CHRM3: variants seen among roughly 807,000 people sequenced by gnomAD.
The protein encoded by CHRM3 is muscarinic acetylcholine receptor M3.
In CHRM3, 11 loss-of-function variants were observed where a neutral mutation model predicts 41.8. The observed-to-expected ratio is 0.26, with a 90% confidence interval of 0.17 to 0.44. The LOEUF is 0.44. Ranked by LOEUF, CHRM3 falls within the 20% of genes least tolerant of loss-of-function variation. The pLI is 1.00. For synonymous variants in CHRM3, 297 were observed against 301.4 expected, an observed-to-expected ratio of 0.99 and a Z score of 0.15; for missense variants, 571 against 745.4, an observed-to-expected ratio of 0.77 and a Z score of 2.72.
chr1:239,890,154 A>G (rs780040322), intron 6 of CHRM3, among the ~76,000 whole-genome samples: 3 of 152,074 alleles, frequency 2.0e-5, no homozygotes, highest in Non-Finnish European at 2.9e-5. Flanking sequence ...GTATAAGATT[A>G]GCCAGGCCTG....
intron 5 of CHRM3, among the ~76,000 whole-genome samples, chr1:239,736,499 A>G (rs1037162738): frequency 2.0e-5 from 3 of 152,142 alleles, no homozygotes; most frequent in Non-Finnish European, 4.4e-5. Context: ...TACCATCTTC[A>G]CATGCATTAT....
intron 3 of CHRM3, among the ~76,000 whole-genome samples, chr1:239,607,654 C>G (rs907601508): frequency 6.6e-6 from 1 of 151,630 alleles, no homozygotes; most frequent in Non-Finnish European, 1.5e-5. Context: ...ATGAAAAGCT[C>G]AAACTAAAAA....
At chr1:239,867,893 C>T (rs188496920) in intron 6 of CHRM3, among the ~76,000 whole-genome samples, 25 of 152,248 alleles carry the variant, frequency 1.6e-4, no homozygotes, top group African/African-American at 5.8e-4. Flanking sequence ...CCCCAGTCCC[C>T]GGAAGTGACA....
intron 1 of CHRM3, among the ~76,000 whole-genome samples, chr1:239,475,796 A>G (rs1468939188): frequency 6.6e-6 from 1 of 152,164 alleles, no homozygotes; most frequent in African/African-American, 2.4e-5. Context: ...TATTTATGTT[A>G]TTAGTAACAA....
In CHRM3 at chr1:239,909,762, A is replaced by G. The variant is rs1363865240; in HGVS notation, c.*538A>G. 1 of 168,042 alleles carries G rather than the reference A, an allele frequency of 6.0e-6. No individual in the cohort carries two copies. Among genetic ancestry groups the G allele is most frequent in the East Asian group, 1.9e-4 (1 of 5,204 alleles). The allele number at this position is 168,042 out of a possible 1,614,324, so 10.4% of individuals were successfully genotyped here. A position where few individuals can be genotyped will look rare whatever the true frequency, so the allele number is the denominator to read the frequency against. ...TTTCTTTGGTGTGTTGTTAAACTCT[A>G]TTTGTGGACTTGATTCTTGATTCTT... On this transcript the variant is annotated 3_prime_UTR_variant, in exon 7 of 7. Transcript: ENST00000676153.
intron 2 of CHRM3, among the ~76,000 whole-genome samples, chr1:239,516,213 A>T (rs1257869668): frequency 1.3e-5 from 2 of 152,200 alleles, no homozygotes; most frequent in African/African-American, 4.8e-5. Context: ...TACTATTCCC[A>T]GGAGGGGAGA....
chr1:239,759,460 A>T (rs1666553734), intron 5 of CHRM3, among the ~76,000 whole-genome samples: 2 of 152,228 alleles, frequency 1.3e-5, no homozygotes, highest in South Asian at 4.1e-4. Flanking sequence ...CTTTTTGGCC[A>T]AATAAATCTT....
At position 239,651,430 on chromosome 1, in the gene CHRM3, A is replaced by T. The variant is rs538379433; in HGVS notation, c.-250+19144A>T. Among the ~76,000 whole-genome samples the T allele has an allele frequency of 1.9e-4, 29 of 152,342 alleles. No homozygotes were observed. The South Asian group carries it at 5.6e-3, about 29-fold the overall frequency. On this transcript the variant is annotated intron_variant, in intron 4 of 6. Transcript: ENST00000676153. ...AAATGTTTGTGCTTCTTGTTAGAGAACAAGGAAGGCATGATTTAAAGCTGG... is the reference window on the plus strand; with the variant it reads ...AAATGTTTGTGCTTCTTGTTAGAGATCAAGGAAGGCATGATTTAAAGCTGG...
chr1:239,528,770 G>GT lies in CHRM3; in HGVS notation c.-421-16870dup. Among the ~76,000 whole-genome samples the GT allele has an allele frequency of 2.0e-5, 3 of 152,246 alleles. No individual in the cohort carries two copies. The East Asian group carries it at 5.8e-4, about 30-fold the overall frequency. ...TAGCTGGGCATGGTGGCACATGCCTGTAGTCCCAGCTACTCGGTAGGCTGA... is the reference window on the plus strand; with the variant it reads ...TAGCTGGGCATGGTGGCACATGCCTGTTAGTCCCAGCTACTCGGTAGGCTGA... On this transcript the variant is annotated intron_variant, in intron 2 of 6. Transcript: ENST00000676153.
At chr1:239,702,716 G>A (rs962349763) in intron 5 of CHRM3, among the ~76,000 whole-genome samples, 1 of 152,208 alleles carries the variant, frequency 6.6e-6, no homozygotes, top group Non-Finnish European at 1.5e-5. Context: ...GTTCAAGTGA[G>A]TCTCATGCCT....
intron 1 of CHRM3, among the ~76,000 whole-genome samples, chr1:239,467,800 C>T (rs1016195105): frequency 1.3e-5 from 2 of 152,060 alleles, no homozygotes; most frequent in African/African-American, 4.8e-5. Context: ...GAATGTCATG[C>T]TTTTCTCTTG....
At position 239,533,746 on chromosome 1, in the gene CHRM3, A is replaced by C. The variant is rs560331193; in HGVS notation, c.-421-11895A>C. ...AACTCTGTCTCAAAAAAAAAAAAAAAAAAACAAAAAAACCCTTAAAAACCA... is the reference window on the plus strand; with the variant it reads ...AACTCTGTCTCAAAAAAAAAAAAAACAAAACAAAAAAACCCTTAAAAACCA... On this transcript the variant is annotated intron_variant, in intron 2 of 6. Coordinates refer to ENST00000676153, the MANE Select transcript of CHRM3 (RefSeq NM_001375978.1). Among the ~76,000 whole-genome samples, 655 of 148,200 alleles carry C rather than the reference A, an allele frequency of 4.4e-3. 15 individuals are homozygous for C. Among genetic ancestry groups the C allele is most frequent in the African/African-American group, 0.014 (569 of 39,486 alleles).
At chr1:239,409,659 C>T (rs1660912821) in intron 1 of CHRM3, among the ~76,000 whole-genome samples, 1 of 152,154 alleles carries the variant, frequency 6.6e-6, no homozygotes, top group Non-Finnish European at 1.5e-5. Context: ...TTGTCATGAG[C>T]TTTAGTTACT....
chr1:239,549,495 C>CACAAAAAAA (rs1659608228), intron 3 of CHRM3, among the ~76,000 whole-genome samples: 1 of 106,982 alleles, frequency 9.3e-6, no homozygotes, highest in Non-Finnish European at 1.9e-5. Context: ...ACTAAAAATA[C>CACAAAAAAA]AAAAAAAAAA....
In CHRM3 at chr1:239,576,269, A is replaced by AC. The variant is rs777139499; in HGVS notation, c.-313+30523dup. On this transcript the variant is annotated intron_variant, in intron 3 of 6. Coordinates refer to ENST00000676153, the MANE Select transcript of CHRM3 (RefSeq NM_001375978.1). ...AGACTTCCTAAACCCTCTACTCCCT[A>AC]CCCACCCCCATCCCCAGGGATCGTA... 2.6e-3 allele frequency among the ~76,000 whole-genome samples: 322 copies of AC among 125,306 alleles called. 1 individual carries two copies. In the East Asian group the frequency reaches 0.026, roughly 10 times the overall value. 82.2% of individuals were successfully genotyped at this position (125,306 alleles called of 152,430 possible). A position where few individuals can be genotyped will look rare whatever the true frequency, so the allele number is the denominator to read the frequency against.
chr1:239,811,272 G>C (rs1050399319), intron 5 of CHRM3, among the ~76,000 whole-genome samples: 20 of 152,196 alleles, frequency 1.3e-4, no homozygotes, highest in African/African-American at 4.8e-4. Context: ...TGATGTGGCA[G>C]CACAATTGGC....
rs941439546 is a variant in CHRM3 at position 239,837,850 on chromosome 1, A to G, written c.-20+10472A>G. Among the ~76,000 whole-genome samples, 7 of 152,262 alleles carry G rather than the reference A, an allele frequency of 4.6e-5. No individual in the cohort carries two copies. The South Asian group carries it at 1.0e-3, about 23-fold the overall frequency. On this transcript the variant is annotated intron_variant, in intron 6 of 6. Coordinates refer to ENST00000676153, the MANE Select transcript of CHRM3 (RefSeq NM_001375978.1). The stretch of plus-strand genomic sequence containing the variant: ...TTCTTTACCCATTCATTGAGTTTTT[A>G]TTCGGTGCAGCATAGTAGGCCAAGC...
At chr1:239,454,409 A>T (rs2103343452) in intron 1 of CHRM3, among the ~76,000 whole-genome samples, 1 of 152,136 alleles carries the variant, frequency 6.6e-6, no homozygotes, top group Non-Finnish European at 1.5e-5. Context: ...AGGAGTTTCC[A>T]GGCCCTCTCC....
At chr1:239,847,585 G>A (rs1450478676) in intron 6 of CHRM3, among the ~76,000 whole-genome samples, 1 of 152,042 alleles carries the variant, frequency 6.6e-6, no homozygotes, top group Non-Finnish European at 1.5e-5. Flanking sequence ...TAACCACCAG[G>A]TGCAGAGGCT....
Sources: allele counts gnomAD v4.1 joint callset (sites outside exome capture counted in the v4.1 genomes callset), GRCh38; gene constraint gnomAD v4.1.1; transcripts MANE v1.5; gene names NCBI Gene and HGNC (gene_info 2026-07-23, HGNC 2026-07-21).